The following MYO1F variants were observed in gnomAD, a reference collection of about 807,000 sequenced individuals.
The protein encoded by MYO1F is myosin IF, also known as unconventional myosin-If.
Under a neutral mutation model 146.6 loss-of-function variants are expected in MYO1F, and 60 were observed. That is an observed-to-expected ratio of 0.41 (90% CI 0.33 to 0.51). MYO1F has a LOEUF of 0.51. Ranked by LOEUF, MYO1F falls within the 20% of genes least tolerant of loss-of-function variation. The probability of loss-of-function intolerance (pLI) is 0.25; values close to 1 mark genes in which losing one functional copy is unlikely to be tolerated. For synonymous variants in MYO1F, 602 were observed against 602.1 expected (o/e 1.00, Z 0.00); for missense variants, 1,274 against 1,534.3 (o/e 0.83, Z 2.83).
intron 12 of MYO1F, among the ~76,000 whole-genome samples, chr19:8,547,591 G>C (rs1432743922): frequency 1.4e-5 from 2 of 140,902 alleles, no homozygotes; most frequent in African/African-American, 5.9e-5. Flanking sequence ...GTGACAGAAC[G>C]AGACTTTGTC....
intron 21 of MYO1F, among the ~76,000 whole-genome samples, chr19:8,529,448 G>A (rs1972394116): frequency 6.6e-6 from 1 of 152,142 alleles, no homozygotes; most frequent in South Asian, 2.1e-4. Context: ...GTCTGTTGGT[G>A]GAGGTGCCCA....
chr19:8,530,416 TC>T lies in MYO1F; in HGVS notation c.2158+42del, dbSNP rs746445944. On this transcript the variant is annotated intron_variant, in intron 20 of 27. Transcript: ENST00000644032. The surrounding 1 kb of genome is among the most constrained non-coding windows in gnomAD (Gnocchi z 5.8). ...GAGCTCCTGATACAGCTCCTCCAGG[TC>T]CTTGTGCCCCCACCCCGCGCCGTTT... 1 of 1,613,748 alleles carries T rather than the reference TC, an allele frequency of 6.2e-7. No homozygotes were observed. Among genetic ancestry groups the T allele is most frequent in the Non-Finnish European group, 8.5e-7 (1 of 1,179,932 alleles).
intron 14 of MYO1F, 61 bp downstream of exon 14, chr19:8,544,236 C>T (rs1262587993): frequency 8.2e-6 from 13 of 1,586,310 alleles, no homozygotes; most frequent in South Asian, 4.4e-5. Flanking sequence ...GTGGGGGCTA[C>T]AGCCTGGAGC....
chr19:8,537,741 T>G (rs1055355512), intron 16 of MYO1F, among the ~76,000 whole-genome samples: 3 of 152,066 alleles, frequency 2.0e-5, no homozygotes, highest in African/African-American at 7.2e-5. Context: ...GCTGGGTGAT[T>G]TTTTTTGAGA....
chr19:8,540,375 G>T (rs1457756324), intron 15 of MYO1F: 1 of 163,622 alleles, frequency 6.1e-6, no homozygotes, highest in African/African-American at 2.5e-5. Context: ...TTTTTTCTTT[G>T]TCACAAAAAG....
At chr19:8,553,886 A>T (rs1270864571) in intron 4 of MYO1F, among the ~76,000 whole-genome samples, 88 of 77,452 alleles carry the variant, frequency 1.1e-3, no homozygotes, top group African/African-American at 3.8e-3. Flanking sequence ...ACACACACAC[A>T]CACACACACT....
chr19:8,568,061 TTC>T (rs2042038275), intron 1 of MYO1F, among the ~76,000 whole-genome samples: 1 of 152,120 alleles, frequency 6.6e-6, no homozygotes. Flanking sequence ...TCTCTGACCA[TTC>T]TCTCCCTCTC....
At chr19:8,522,250 C>T (rs1599901198) in intron 27 of MYO1F, 127 bp downstream of exon 27, 1 of 1,191,342 alleles carries the variant, frequency 8.4e-7, no homozygotes, top group South Asian at 1.3e-5. Flanking sequence ...TCTCGATCTC[C>T]TGACCTCGTG....
At chr19:8,562,680 A>G (rs1974193523) in intron 1 of MYO1F, among the ~76,000 whole-genome samples, 2 of 151,556 alleles carry the variant, frequency 1.3e-5, no homozygotes, top group South Asian at 2.1e-4. Flanking sequence ...GACCACAGGC[A>G]AGTACCACTG....
Position 8,532,903 on chromosome 19 carries a change from TACACACACACACACAC to T in MYO1F, c.2044-2346_2044-2331del, listed in dbSNP as rs60799506. 1.1e-3 allele frequency among the ~76,000 whole-genome samples: 125 copies of T among 113,170 alleles called. No individual in the cohort carries two copies. In the Middle Eastern group the frequency reaches 0.015, roughly 14 times the overall value. The allele number at this position is 113,170 out of a possible 152,430, so 74.2% of individuals were successfully genotyped here. ...ATCCTGTCTCAGAAAAAAAAAAAAA[TACACACACACACACAC>T]ACACACACACACACACACACACACA... On this transcript the variant is annotated intron_variant, in intron 19 of 27. Transcript: ENST00000644032.
At chr19:8,564,293 A>T (rs1371806309) in intron 1 of MYO1F, among the ~76,000 whole-genome samples, 1 of 152,148 alleles carries the variant, frequency 6.6e-6, no homozygotes, top group African/African-American at 2.4e-5. Context: ...AGGCAGGAGA[A>T]TCGCTTGAAC....
At chr19:8,536,165 C>CTG in intron 19 of MYO1F, 87 bp downstream of exon 19, 1 of 1,421,090 alleles carries the variant, frequency 7.0e-7, no homozygotes, top group Non-Finnish European at 9.6e-7. Flanking sequence ...CTGTCTCCCT[C>CTG]TGTCTCTCTC....
Position 8,572,497 on chromosome 19 carries a change from A to G in MYO1F, c.3+4810T>C, listed in dbSNP as rs1365211029. 7.0e-4 allele frequency among the ~76,000 whole-genome samples: 106 copies of G among 151,460 alleles called. 2 individuals are homozygous for G. Among genetic ancestry groups the G allele is most frequent in the Non-Finnish European group, 1.3e-4 (9 of 67,772 alleles). On this transcript the variant is annotated intron_variant, in intron 1 of 27. Transcript: ENST00000644032. Reference sequence around the variant, plus strand: ...TGGCCAGACTGGTCTCGAACACCTGACCTCAAGTGATCCACCTGCCTCGGC... The same window carrying G: ...TGGCCAGACTGGTCTCGAACACCTGGCCTCAAGTGATCCACCTGCCTCGGC...
At chr19:8,544,852 T>C (rs1169484416) in intron 13 of MYO1F, among the ~76,000 whole-genome samples, 1 of 152,150 alleles carries the variant, frequency 6.6e-6, no homozygotes, top group East Asian at 1.9e-4. Context: ...CTCAGCTCAC[T>C]GCAGCCTCCA....
intron 24 of MYO1F, 50 bp from the exon 25 acceptor site, chr19:8,525,612 G>T: frequency 1.3e-6 from 2 of 1,505,036 alleles, no homozygotes; most frequent in South Asian, 2.3e-5. Context: ...CACGCTCTTT[G>T]CCCCGCCCAC....
intron 1 of MYO1F, among the ~76,000 whole-genome samples, chr19:8,567,614 C>T (rs549901204): frequency 9.8e-5 from 15 of 152,352 alleles, no homozygotes; most frequent in Admixed American, 3.9e-4. Context: ...ACCTCGGCCT[C>T]GCAAAGTGCT....
At chr19:8,564,499 A>G (rs1461233440) in intron 1 of MYO1F, among the ~76,000 whole-genome samples, 3 of 152,048 alleles carry the variant, frequency 2.0e-5, no homozygotes, top group African/African-American at 4.8e-5. Flanking sequence ...GTTGACACCC[A>G]CCACAGACTG....
At position 8,550,601 on chromosome 19, in the gene MYO1F, A is replaced by G; in HGVS notation, c.865T>C (p.Cys289Arg). ...GILHLGNISF[C>R]EDGNYARVES... is the part of the protein sequence containing the mutation. ...ACTCGGGCGTAATTCCCGTCTTCAC[A>G]GAAACTGATGTTCCCCAGGTGCAAG... Residue 289 changes from cysteine (C) to arginine (R), a missense_variant, in exon 9 of 28, where the codon TGT (cysteine) becomes CGT (arginine). By Grantham distance (180) the Cys-to-Arg change is radical. Around this residue, in one of 2 missense-constraint regions of MYO1F, gnomAD observed 900 missense variants for 1,155.1 expected, o/e 0.78. Transcript: ENST00000644032. 2 of 1,614,146 alleles carry G rather than the reference A, an allele frequency of 1.2e-6. 1 individual carries two copies. The highest frequency in any genetic ancestry group is 2.2e-5 in the South Asian group (2 of 91,084).
chr19:8,560,792 G>A (rs867056288), intron 1 of MYO1F, among the ~76,000 whole-genome samples: 1 of 146,938 alleles, frequency 6.8e-6, no homozygotes, highest in Admixed American at 6.9e-5. Flanking sequence ...AGGCTGGAGC[G>A]CAGTGGCACG....
Sources: gnomAD v4.1 joint callset for allele counts (sites outside exome capture counted in the v4.1 genomes callset) on GRCh38, gnomAD v4.1.1 for gene constraint, gnomAD v4.1.1 regional missense constraint, Gnocchi (gnomAD v3.1) non-coding constraint, MANE v1.5 for transcripts, NCBI Gene and HGNC (gene_info 2026-07-23, HGNC 2026-07-21) for gene names.